Variants in PRELID2 observed in about 807,000 individuals in gnomAD.
The protein encoded by PRELID2 is PRELI domain containing 2, also known as PRELI domain-containing protein 2.
Under a neutral mutation model 28.4 loss-of-function variants are expected in PRELID2, and 25 were observed. That is an observed-to-expected ratio of 0.88 (90% CI 0.64 to 1.23). PRELID2 has a LOEUF of 1.23. Ranked by LOEUF, PRELID2 falls within the 50% of genes most tolerant of loss-of-function variation. The probability of loss-of-function intolerance (pLI) is 0.00; values close to 1 mark genes in which losing one functional copy is unlikely to be tolerated. For synonymous variants in PRELID2, 76 were observed against 71.6 expected, an observed-to-expected ratio of 1.06 and a Z score of -0.31; for missense variants, 201 against 214.4, an observed-to-expected ratio of 0.94 and a Z score of 0.39.
intron 5 of PRELID2, among the ~76,000 whole-genome samples, chr5:145,790,816 T>G (rs1452897621): frequency 2.7e-5 from 4 of 146,552 alleles, no homozygotes; most frequent in Non-Finnish European, 6.0e-5. Context: ...AAAATTAACT[T>G]AAAAATTTAA....
At chr5:145,746,410 A>G (rs1756992794) in intron 1 of PRELID2, among the ~76,000 whole-genome samples, 1 of 152,216 alleles carries the variant, frequency 6.6e-6, no homozygotes, top group East Asian at 1.9e-4. Context: ...ACTTTAAACC[A>G]ACAAAGATCA....
Position 145,819,988 on chromosome 5 carries a change from C to G in PRELID2, c.164G>C (p.Arg55Thr). The G allele has an allele frequency of 1.2e-6, 2 of 1,606,134 alleles. No homozygotes were observed. Among genetic ancestry groups the G allele is most frequent in the Non-Finnish European group, 1.7e-6 (2 of 1,175,916 alleles). ...DESTGVIYRK[R>T]IAICQNVVPE... ...AACCACGTTCTGACAGATTGCAATC[C>G]TCTTTCTGTAGATGACCCCTGTTGA... The change falls in exon 3 of 7, where the codon AGG (arginine) becomes ACG (threonine). Residue 55 changes from arginine to threonine, a missense_variant. Arg to Thr is a moderately conservative substitution (Grantham distance 71, BLOSUM62 -1). Transcript: ENST00000683046.
chr5:145,669,754 A>G (rs1281947390), intron 1 of PRELID2, among the ~76,000 whole-genome samples: 1 of 151,914 alleles, frequency 6.6e-6, no homozygotes, highest in Non-Finnish European at 1.5e-5. Context: ...GGCTTCTTTC[A>G]CACCATCCTC....
At chr5:145,756,231 T>C (rs1309038958), downstream of PRELID2, among the ~76,000 whole-genome samples, 2 of 152,168 alleles carry the variant, frequency 1.3e-5, no homozygotes, top group Non-Finnish European at 2.9e-5. Flanking sequence ...ATGGTCAGGA[T>C]AACACCCTCA....
intron 1 of PRELID2, among the ~76,000 whole-genome samples, chr5:145,589,450 G>A (rs886071352): frequency 1.6e-4 from 25 of 151,628 alleles, no homozygotes; most frequent in African/African-American, 5.8e-4. Flanking sequence ...CCACACTCTC[G>A]GTAGAATTGA....
the PRELID2 span, among the ~76,000 whole-genome samples, chr5:145,454,579 A>G: frequency 2.0e-5 from 3 of 152,318 alleles, no homozygotes; most frequent in South Asian, 6.2e-4. Flanking sequence ...AATTTCAGCA[A>G]AGTCTCAGGA....
chr5:145,247,371 C>G, the PRELID2 span, among the ~76,000 whole-genome samples: 2 of 152,110 alleles, frequency 1.3e-5, no homozygotes, highest in African/African-American at 4.8e-5. Context: ...CATGACAATT[C>G]CCCTGTTTTG....
intron 1 of PRELID2, among the ~76,000 whole-genome samples, chr5:145,618,498 C>G (rs943680585): frequency 1.3e-5 from 2 of 152,160 alleles, no homozygotes; most frequent in East Asian, 3.9e-4. Flanking sequence ...TAGGCTGGTA[C>G]TGGGGCTTAT....
chr5:145,289,780 T>G, the PRELID2 span, among the ~76,000 whole-genome samples: 4 of 152,208 alleles, frequency 2.6e-5, no homozygotes, highest in African/African-American at 9.7e-5. Flanking sequence ...TGTTTTATCT[T>G]GTTAATTTTA....
the PRELID2 span, among the ~76,000 whole-genome samples, chr5:145,375,429 C>T: frequency 6.6e-6 from 1 of 152,118 alleles, no homozygotes; most frequent in Non-Finnish European, 1.5e-5. Flanking sequence ...TCTGACAATC[C>T]TTGTTGGAGG....
the PRELID2 span, among the ~76,000 whole-genome samples, chr5:145,247,683 T>C: frequency 6.6e-6 from 1 of 152,142 alleles, no homozygotes; most frequent in Non-Finnish European, 1.5e-5. Context: ...GCAAGAAGTA[T>C]AGAGAATGGT....
At chr5:145,753,334 G>C (rs1006719721), downstream of PRELID2, among the ~76,000 whole-genome samples, 13 of 152,220 alleles carry the variant, frequency 8.5e-5, no homozygotes, top group Non-Finnish European at 1.6e-4. Context: ...AGTGTCTGGA[G>C]TTACTGTGGG....
the PRELID2 span, among the ~76,000 whole-genome samples, chr5:145,357,431 A>T: frequency 4.6e-5 from 7 of 152,056 alleles, no homozygotes; most frequent in African/African-American, 1.7e-4. Context: ...AGTTTTATTC[A>T]TTCTTCTTTA....
At chr5:145,754,588 G>A (rs1256931418), downstream of PRELID2, among the ~76,000 whole-genome samples, 1 of 152,086 alleles carries the variant, frequency 6.6e-6, no homozygotes, top group Non-Finnish European at 1.5e-5. Flanking sequence ...TCTGGTTTGA[G>A]GTACTAAGGA....
the PRELID2 span, among the ~76,000 whole-genome samples, chr5:145,259,402 C>T: frequency 6.6e-6 from 1 of 152,156 alleles, no homozygotes; most frequent in Non-Finnish European, 1.5e-5. Flanking sequence ...TTAAAATTAG[C>T]ACCAGGGGCT....
At chr5:145,348,702 G>T in the PRELID2 span, among the ~76,000 whole-genome samples, 725 of 151,148 alleles carry the variant, frequency 4.8e-3, 8 homozygotes, top group African/African-American at 0.017. Flanking sequence ...TCCAACAATG[G>T]TATAATTGTG....
At chr5:145,382,617 G>A in the PRELID2 span, among the ~76,000 whole-genome samples, 1 of 151,852 alleles carries the variant, frequency 6.6e-6, no homozygotes, top group Non-Finnish European at 1.5e-5. Context: ...ATTTTTTCTA[G>A]CAAAAATAAA....
At chr5:145,734,372 G>T (rs1050056016) in intron 1 of PRELID2, among the ~76,000 whole-genome samples, 1 of 152,176 alleles carries the variant, frequency 6.6e-6, no homozygotes. Context: ...CACTAAGTTT[G>T]TGGTGCTTTG....
At chr5:145,703,005 C>T (rs184565707) in intron 1 of PRELID2, among the ~76,000 whole-genome samples, 7 of 152,312 alleles carry the variant, frequency 4.6e-5, no homozygotes, top group Admixed American at 2.0e-4. Context: ...ACTCAACTCT[C>T]AACCCTAACA....
Sources: allele counts gnomAD v4.1 joint callset (sites outside exome capture counted in the v4.1 genomes callset), GRCh38; gene constraint gnomAD v4.1.1; transcripts MANE v1.5; gene names NCBI Gene and HGNC (gene_info 2026-07-23, HGNC 2026-07-21).